The following PRC1 variants were observed in gnomAD, a reference collection of about 807,000 sequenced individuals.
PRC1 encodes the protein protein regulator of cytokinesis 1, also known as anaphase spindle elongation 1 homolog.
PRC1 carries 54 observed loss-of-function variants against 91.2 expected under a neutral mutation model. The ratio of observed to expected loss-of-function variants is 0.59; its 90% CI spans 0.48 to 0.74. The LOEUF is 0.74. PRC1 is among the 30% of genes least tolerant of loss of function. The pLI, the probability that PRC1 is intolerant of heterozygous loss-of-function variation, is 0.00. For missense variants in PRC1, 727 were observed against 746.2 expected (o/e 0.97, Z 0.30); for synonymous variants, 275 against 263.6 (o/e 1.04, Z -0.42).
At chr15:90,976,995 C>T (rs577495490) in intron 8 of PRC1, among the ~76,000 whole-genome samples, 31 of 152,080 alleles carry the variant, frequency 2.0e-4, no homozygotes, top group African/African-American at 6.0e-4. Flanking sequence ...GCGAGCATGA[C>T]GGTGCGCACG....
chr15:90,972,822 T>A, intron 11 of PRC1: 1 of 152,272 alleles, frequency 6.6e-6, no homozygotes, highest in East Asian at 1.9e-4. Context: ...AACGTTGTTT[T>A]TCACATGGTA....
intron 11 of PRC1, among the ~76,000 whole-genome samples, chr15:90,971,626 C>T (rs560260826): frequency 3.3e-5 from 5 of 151,368 alleles, no homozygotes; most frequent in South Asian, 4.2e-4. Context: ...TCTAGGGGGC[C>T]GGGCACGGTG....
intron 8 of PRC1, among the ~76,000 whole-genome samples, chr15:90,978,255 T>C (rs994279912): frequency 1.3e-5 from 2 of 152,216 alleles, no homozygotes; most frequent in South Asian, 2.1e-4. Flanking sequence ...TGGTAGAGAA[T>C]GTTAGTTGCC....
Position 90,969,498 on chromosome 15 carries a change from G to A in PRC1, c.1698C>T (p.Leu566=). The A allele has an allele frequency of 6.2e-7, 1 of 1,612,564 alleles. No individual in the cohort carries two copies. The highest frequency in any genetic ancestry group is 1.7e-4 in the Middle Eastern group (1 of 6,054). The change falls in exon 13 of 15, where the codon CTC becomes CTT. Residue 566 remains leucine (L), a synonymous_variant. Transcript: ENST00000394249. ...LSGGYPGSAP[L]QRNFSINSVA... ...CAGAATTAATGCTGAAGTTGCGCTG[G>A]AGGGGGGCCGAGCCAGGGTACCCAC...
At chr15:90,980,137 C>T (rs1159289669) in intron 7 of PRC1, 105 bp downstream of exon 7, 1 of 1,388,186 alleles carries the variant, frequency 7.2e-7, no homozygotes, top group Non-Finnish European at 9.5e-7. Flanking sequence ...TTTGGGAGGC[C>T]AAGTTGGGAG....
rs773989359 is a variant in PRC1, at chr15:90,969,583, C to T, written c.1613G>A (p.Arg538His). 16 of 1,612,546 alleles carry T rather than the reference C, an allele frequency of 9.9e-6. No individual in the cohort carries two copies. The highest frequency in any genetic ancestry group is 2.7e-5 in the African/African-American group (2 of 74,824). The change falls in exon 13 of 15, where the codon CGT becomes CAT. Residue 538 changes from arginine (R) to histidine (H), a missense_variant. Physicochemically the swap from Arg to His is conservative, Grantham distance 29. Transcript: ENST00000394249. Reference protein sequence around the residue: ...ASTCSGKKTPRTGRHGANKEN... With the variant: ...ASTCSGKKTPHTGRHGANKEN... ...CTTGTTGGCTCCATGCCTGCCAGTA[C>T]GGGGTGTTTTCTTCCCTGAACAGGT...
chr15:90,981,627 T>G lies in PRC1; in HGVS notation c.544A>C (p.Ile182Leu), dbSNP rs147013874. ...TGGTCTAATGCTTCCATACACAGTA[T>G]GATCTGTCTCTTTATACTGACAAAC... ...EEFVSIKRQI[I>L]LCMEALDHTP... The change falls in exon 5 of 15, where the codon ATA (isoleucine) becomes CTA (leucine). Residue 182 changes from isoleucine (I) to leucine (L), a missense_variant. Coordinates refer to ENST00000394249, the MANE Select transcript of PRC1 (RefSeq NM_003981.4). 25 of 1,614,026 alleles carry G rather than the reference T, an allele frequency of 1.5e-5. No individual in the cohort carries two copies. In the African/African-American group the frequency reaches 3.1e-4, roughly 20 times the overall value.
intron 3 of PRC1, chr15:90,983,808 TTAG>T (rs1247368751): frequency 2.1e-6 from 1 of 484,482 alleles, no homozygotes; most frequent in Non-Finnish European, 3.5e-6. Context: ...TGATCATCTA[TTAG>T]TTGCTTCACC....
In PRC1 at chr15:90,976,735, C is replaced by T. The variant is rs772041694; in HGVS notation, c.1144G>A (p.Gly382Arg). 3 of 1,613,754 alleles carry T rather than the reference C, an allele frequency of 1.9e-6. No individual in the cohort carries two copies. The highest frequency in any genetic ancestry group is 3.3e-5 in the Admixed American group (2 of 59,986). The change falls in exon 9 of 15, where the codon GGA (glycine) becomes AGA (arginine). Residue 382 changes from glycine to arginine, a missense_variant. Physicochemically the swap from Gly to Arg is moderately radical, Grantham distance 125 (BLOSUM62 -2). Coordinates refer to ENST00000394249, the MANE Select transcript of PRC1 (RefSeq NM_003981.4). ...ASDPNRFTNR[G>R]GNLLKEEKQR... ...TTTTCTTCTTTTAGAAGATTTCCTC[C>T]TCGGTTTGTAAATCGATTTGGATCT...
At chr15:90,973,518 C>T (rs964077797) in intron 11 of PRC1, among the ~76,000 whole-genome samples, 6 of 152,104 alleles carry the variant, frequency 3.9e-5, no homozygotes, top group Non-Finnish European at 5.9e-5. Context: ...GCCCGACACC[C>T]GTCGTCTGTG....
intron 12 of PRC1, 139 bp from the exon 13 acceptor site, chr15:90,969,762 ACATAT>A (rs2037906769): frequency 5.7e-6 from 1 of 174,656 alleles, no homozygotes. Context: ...TAAAAAAAAA[ACATAT>A]ATATATATAT....
chr15:90,969,761 A>AAAT (rs1468521171), intron 12 of PRC1, 138 bp from the exon 13 acceptor site: 1 of 144,050 alleles, frequency 6.9e-6, no homozygotes, highest in Non-Finnish European at 1.4e-5. Flanking sequence ...TTAAAAAAAA[A>AAAT]ACATATATAT....
chr15:90,974,093 C>T lies in PRC1; in HGVS notation c.1461+43G>A. ...AAAGAGGTGGCTGGGACTACCCTCACCCACTCCCTTGAAATCAGTGTTTCC... is the reference window on the plus strand; with the variant it reads ...AAAGAGGTGGCTGGGACTACCCTCATCCACTCCCTTGAAATCAGTGTTTCC... On this transcript the variant is annotated intron_variant, in intron 11 of 14. Coordinates refer to ENST00000394249, the MANE Select transcript of PRC1 (RefSeq NM_003981.4). This position sits in a 1 kb window ranked among gnomAD's most constrained non-coding sequence, Gnocchi z 4.6. 1 of 1,553,718 alleles carries T rather than the reference C, an allele frequency of 6.4e-7. No individual in the cohort carries two copies. Among genetic ancestry groups the T allele is most frequent in the South Asian group, 1.1e-5 (1 of 89,746 alleles).
chr15:90,968,719 A>G, intron 14 of PRC1: 13 of 1,118,366 alleles, frequency 1.2e-5, no homozygotes, highest in Non-Finnish European at 1.4e-5. Flanking sequence ...CAAGAGCCTC[A>G]TTGTAGGCAG....
Position 90,969,113 on chromosome 15 carries a change from G to T in PRC1, c.1757C>A (p.Pro586Gln), listed in dbSNP as rs535089776. The T allele has an allele frequency of 3.7e-6, 6 of 1,613,176 alleles. No individual in the cohort carries two copies. The highest frequency in any genetic ancestry group is 1.3e-5 in the African/African-American group (1 of 74,974). Residue 586 changes from proline (P) to glutamine (Q), a missense_variant, in exon 14 of 15, where the codon CCG (proline) becomes CAG (glutamine). Coordinates refer to ENST00000394249, the MANE Select transcript of PRC1 (RefSeq NM_003981.4). ...ASTYSEFAKD[P>Q]SLSDSSTVGL... ...AACAGTGGAACTGTCAGAGAGGGAC[G>T]GATCCTTCTAAGAACAAAGAATTAA... is the stretch of plus-strand genomic sequence containing the variant.
intron 5 of PRC1, 153 bp downstream of exon 5, chr15:90,981,346 T>C (rs1055035541): frequency 2.2e-6 from 2 of 890,588 alleles, no homozygotes; most frequent in Admixed American, 3.0e-5. Context: ...TAAACAAAAA[T>C]CAAGGTTGTA....
chr15:90,967,835 ACT>A (rs1358568978), intron 14 of PRC1: 17 of 985,100 alleles, frequency 1.7e-5, no homozygotes, highest in South Asian at 4.7e-5. Context: ...GCGAGGCATG[ACT>A]CTACTTCACA....
At chr15:90,990,842 G>C (rs1158730957) in intron 1 of PRC1, among the ~76,000 whole-genome samples, 1 of 151,434 alleles carries the variant, frequency 6.6e-6, no homozygotes, top group East Asian at 2.0e-4. Flanking sequence ...GCAATGGTGT[G>C]ATCTCAGCTC....
chr15:90,974,061 C>A lies in PRC1; in HGVS notation c.1461+75G>T. 1 of 1,247,378 alleles carries A rather than the reference C, an allele frequency of 8.0e-7. No individual in the cohort carries two copies. The highest frequency in any genetic ancestry group is 1.2e-6 in the Non-Finnish European group (1 of 851,830). The allele number at this position is 1,247,378 out of a possible 1,614,324, so 77.3% of individuals were successfully genotyped here. A position where few individuals can be genotyped will look rare whatever the true frequency, so the allele number is the denominator to read the frequency against. On this transcript the variant is annotated intron_variant, in intron 11 of 14. Coordinates refer to ENST00000394249, the MANE Select transcript of PRC1 (RefSeq NM_003981.4). This position sits in a 1 kb window ranked among gnomAD's most constrained non-coding sequence, Gnocchi z 4.6. ...TACCCACAGGTGTGGAGGGGCTGGCCCCCTTCAAAGAGGTGGCTGGGACTA... is the reference window on the plus strand; with the variant it reads ...TACCCACAGGTGTGGAGGGGCTGGCACCCTTCAAAGAGGTGGCTGGGACTA...
Sources: gnomAD v4.1 joint callset for allele counts (sites outside exome capture counted in the v4.1 genomes callset) on GRCh38, gnomAD v4.1.1 for gene constraint, Gnocchi (gnomAD v3.1) non-coding constraint, MANE v1.5 for transcripts, NCBI Gene and HGNC (gene_info 2026-07-23, HGNC 2026-07-21) for gene names.